Variants in ST6GALNAC3 observed in about 807,000 individuals in gnomAD.
ST6GALNAC3 encodes the protein alpha-N-acetylgalactosaminide alpha-2,6-sialyltransferase 3.
A neutral mutation model predicts 32.7 loss-of-function variants in ST6GALNAC3; 25 were observed. The ratio of observed to expected loss-of-function variants is 0.76; its 90% confidence interval spans 0.56 to 1.07. The LOEUF is 1.07. Among genes scored for constraint, ST6GALNAC3 ranks in the 50% least tolerant of loss-of-function variants. ST6GALNAC3 has a pLI of 0.00. For missense variants in ST6GALNAC3, 355 were observed against 382.4 expected (o/e 0.93, Z 0.60); for synonymous variants, 129 against 133.1 (o/e 0.97, Z 0.21).
intron 3 of ST6GALNAC3, among the ~76,000 whole-genome samples, chr1:76,457,534 A>C (rs1266255478): frequency 1.3e-5 from 2 of 151,038 alleles, no homozygotes; most frequent in African/African-American, 2.4e-5. Flanking sequence ...ACCAAAACAG[A>C]GATATAGATC....
intron 1 of ST6GALNAC3, among the ~76,000 whole-genome samples, chr1:76,115,493 G>T (rs542344114): frequency 2.0e-5 from 3 of 152,324 alleles, no homozygotes; most frequent in African/African-American, 7.2e-5. Context: ...TGGGTCTTAA[G>T]CAATGATCAT....
At chr1:76,332,530 A>T (rs1647207646) in intron 2 of ST6GALNAC3, among the ~76,000 whole-genome samples, 1 of 152,206 alleles carries the variant, frequency 6.6e-6, no homozygotes, top group Non-Finnish European at 1.5e-5. Flanking sequence ...CTTGGAAAGA[A>T]ATAAGGCCAT....
intron 3 of ST6GALNAC3, among the ~76,000 whole-genome samples, chr1:76,450,482 G>A (rs1318042481): frequency 1.3e-5 from 2 of 152,132 alleles, no homozygotes; most frequent in Admixed American, 1.3e-4. Context: ...TTTGTCAGAT[G>A]TATAGATTGT....
chr1:76,515,943 A>G (rs1279196850), intron 3 of ST6GALNAC3, among the ~76,000 whole-genome samples: 2 of 152,142 alleles, frequency 1.3e-5, no homozygotes, highest in Non-Finnish European at 2.9e-5. Flanking sequence ...GTGTAGTTTA[A>G]TATGATGTTT....
intron 3 of ST6GALNAC3, among the ~76,000 whole-genome samples, chr1:76,515,559 C>G (rs1198987631): frequency 6.6e-6 from 1 of 152,076 alleles, no homozygotes; most frequent in Non-Finnish European, 1.5e-5. Context: ...TTGCTATGAA[C>G]TTTCCTCTTA....
chr1:76,224,390 T>C (rs1397534074), intron 1 of ST6GALNAC3, among the ~76,000 whole-genome samples: 3 of 152,180 alleles, frequency 2.0e-5, no homozygotes, highest in Non-Finnish European at 2.9e-5. Context: ...TCATTAAATA[T>C]TGTGAATAAA....
intron 3 of ST6GALNAC3, among the ~76,000 whole-genome samples, chr1:76,536,309 G>A (rs574570712): frequency 4.2e-4 from 64 of 152,264 alleles, no homozygotes; most frequent in African/African-American, 9.6e-4. Context: ...AGAAATACCT[G>A]AGGCTGGGTA....
chr1:76,538,512 C>G (rs1199638155), intron 3 of ST6GALNAC3, among the ~76,000 whole-genome samples: 1 of 152,160 alleles, frequency 6.6e-6, no homozygotes, highest in Non-Finnish European at 1.5e-5. Context: ...ACTGGAAGTT[C>G]TGGCCAGGGC....
At position 76,134,048 on chromosome 1, in the gene ST6GALNAC3, C is replaced by T. The variant is rs921547810; in HGVS notation, c.18+59164C>T. Among the ~76,000 whole-genome samples the T allele has an allele frequency of 4.5e-4, 68 of 152,214 alleles. 1 individual carries two copies. The highest frequency in any genetic ancestry group is 3.8e-3 in the Admixed American group (58 of 15,296). Reference sequence around the variant, plus strand: ...GTTTAAGCAGTACAAGGAAATTCACCGTATACCCAGAACAGAGAAATATTT... The same window carrying T: ...GTTTAAGCAGTACAAGGAAATTCACTGTATACCCAGAACAGAGAAATATTT... On this transcript the variant is annotated intron_variant, in intron 1 of 4. Transcript: ENST00000328299.
intron 3 of ST6GALNAC3, among the ~76,000 whole-genome samples, chr1:76,462,885 AC>A (rs1302907530): frequency 3.9e-5 from 6 of 152,172 alleles, no homozygotes; most frequent in Non-Finnish European, 7.4e-5. Flanking sequence ...GTACATTGTG[AC>A]CAATTACATA....
At chr1:76,401,925 A>G (rs765932188) in intron 2 of ST6GALNAC3, among the ~76,000 whole-genome samples, 43 of 152,290 alleles carry the variant, frequency 2.8e-4, no homozygotes, top group Middle Eastern at 3.4e-3. Context: ...TTCCAGAATT[A>G]CTAATGCCCC....
intron 3 of ST6GALNAC3, among the ~76,000 whole-genome samples, chr1:76,449,291 T>G (rs1423467318): frequency 6.6e-6 from 1 of 152,254 alleles, no homozygotes; most frequent in East Asian, 1.9e-4. Context: ...TATTCTATTT[T>G]CTGAATATGA....
chr1:76,278,300 C>G (rs191414189), intron 1 of ST6GALNAC3, among the ~76,000 whole-genome samples: 2 of 146,628 alleles, frequency 1.4e-5, no homozygotes, highest in African/African-American at 5.3e-5. Flanking sequence ...CGGCTCACTG[C>G]AAGCTCCGCC....
intron 1 of ST6GALNAC3, among the ~76,000 whole-genome samples, chr1:76,114,816 G>T (rs1648343567): frequency 6.6e-6 from 1 of 151,956 alleles, no homozygotes; most frequent in African/African-American, 2.4e-5. Context: ...CTACTTGGGA[G>T]GCTGAGGCGG....
At chr1:76,608,766 A>G (rs908878068) in intron 3 of ST6GALNAC3, among the ~76,000 whole-genome samples, 1 of 151,818 alleles carries the variant, frequency 6.6e-6, no homozygotes, top group Non-Finnish European at 1.5e-5. Flanking sequence ...TTTTCCCCTC[A>G]CTTCGTCAGT....
intron 3 of ST6GALNAC3, among the ~76,000 whole-genome samples, chr1:76,624,172 A>C (rs1335814211): frequency 6.6e-6 from 1 of 151,940 alleles, no homozygotes; most frequent in Admixed American, 6.6e-5. Flanking sequence ...CAAATGCAAC[A>C]CATCTTGTTT....
At chr1:76,525,400 A>C (rs1662802326) in intron 3 of ST6GALNAC3, among the ~76,000 whole-genome samples, 1 of 152,096 alleles carries the variant, frequency 6.6e-6, no homozygotes, top group Non-Finnish European at 1.5e-5. Flanking sequence ...AGTAGGAAGA[A>C]ACATAATCCC....
At chr1:76,398,856 G>C (rs754167309) in intron 2 of ST6GALNAC3, among the ~76,000 whole-genome samples, 3 of 152,158 alleles carry the variant, frequency 2.0e-5, no homozygotes, top group Non-Finnish European at 4.4e-5. Context: ...GAGACTTCCA[G>C]TTGCAGTGCA....
intron 3 of ST6GALNAC3, among the ~76,000 whole-genome samples, chr1:76,623,286 A>G (rs1016196057): frequency 2.0e-5 from 3 of 151,940 alleles, no homozygotes; most frequent in African/African-American, 2.4e-5. Flanking sequence ...CTTGATTACC[A>G]AGGAGCAGCA....
Sources: gnomAD v4.1 joint callset for allele counts (sites outside exome capture counted in the v4.1 genomes callset) on GRCh38, gnomAD v4.1.1 for gene constraint, MANE v1.5 for transcripts, NCBI Gene and HGNC (gene_info 2026-07-23, HGNC 2026-07-21) for gene names.